The following SP100 variants were observed in gnomAD, a reference collection of about 807,000 sequenced individuals.
SP100 encodes nuclear autoantigen Sp-100.
A neutral mutation model predicts 130.0 loss-of-function variants in SP100; 84 were observed. The ratio of observed to expected loss-of-function variants is 0.65; its 90% CI spans 0.54 to 0.77. The LOEUF (loss-of-function observed/expected upper bound fraction) is 0.77. SP100 is among the 30% of genes least tolerant of loss of function. The pLI is 0.00. For missense variants in SP100, 978 were observed against 1,052.2 expected, an observed-to-expected ratio of 0.93 and a Z score of 0.97; for synonymous variants, 331 against 351.7, an observed-to-expected ratio of 0.94 and a Z score of 0.66.
At chr2:230,540,781 C>T (rs759769465) in intron 25 of SP100, 95 bp from the exon 26 acceptor site, 1 of 1,476,846 alleles carries the variant, frequency 6.8e-7, no homozygotes, top group South Asian at 1.4e-5. Context: ...AGGTGGAAAC[C>T]ACTAGGCATT....
chr2:230,426,125 G>A (rs2062924692), intron 2 of SP100, among the ~76,000 whole-genome samples: 1 of 151,992 alleles, frequency 6.6e-6, no homozygotes, highest in African/African-American at 2.4e-5. Flanking sequence ...TTATTTATTT[G>A]AGACTTGTCT....
Position 230,506,350 on chromosome 2 carries a change from C to A in SP100, c.1918C>A (p.Pro640Thr). ...GAGTGAGGATAAAAAGTGGTTCACT[C>A]CCAGGGAATTTGAAATTGAAGGAGA... ...IQSEDKKWFT[P>T]REFEIEGDRG... The change falls in exon 22 of 29, where the codon CCC becomes ACC. Residue 640 changes from proline (P) to threonine (T), a missense_variant. Transcript: ENST00000340126. 2 of 1,613,924 alleles carry A rather than the reference C, an allele frequency of 1.2e-6. No homozygotes were observed. Among genetic ancestry groups the A allele is most frequent in the Non-Finnish European group, 1.7e-6 (2 of 1,179,844 alleles).
chr2:230,426,032 G>A lies in SP100; in HGVS notation c.107+8367G>A, dbSNP rs1016729791. Among the ~76,000 whole-genome samples the A allele has an allele frequency of 2.6e-5, 4 of 152,134 alleles. No individual in the cohort carries two copies. In the East Asian group the frequency reaches 5.8e-4, roughly 22 times the overall value. On this transcript the variant is annotated intron_variant, in intron 2 of 28. Transcript: ENST00000340126. ...TTTTTTCTAGGCTATACAATTTGTTGATGTATAATTGTTCATAGTAATCTC... is the reference window on the plus strand; with the variant it reads ...TTTTTTCTAGGCTATACAATTTGTTAATGTATAATTGTTCATAGTAATCTC...
At chr2:230,448,862 C>G (rs889801381) in intron 5 of SP100, among the ~76,000 whole-genome samples, 1 of 152,184 alleles carries the variant, frequency 6.6e-6, no homozygotes, top group Non-Finnish European at 1.5e-5. Flanking sequence ...AGTTGTCTGG[C>G]CAAGGCCCCT....
At chr2:230,486,391 G>T (rs931728657) in intron 17 of SP100, among the ~76,000 whole-genome samples, 5 of 152,098 alleles carry the variant, frequency 3.3e-5, no homozygotes, top group African/African-American at 1.2e-4. Context: ...TGTTCTCATT[G>T]TTCAACTCCC....
At chr2:230,515,781 G>C (rs1202921056) in intron 24 of SP100, 1 of 1,485,226 alleles carries the variant, frequency 6.7e-7, no homozygotes, top group African/African-American at 1.4e-5. Flanking sequence ...TTTTTGTATA[G>C]TTAACCACTA....
rs754348324 is a variant in SP100, at chr2:230,539,366, T to C, written c.2194T>C (p.Ser732Pro). 1.2e-5 allele frequency: 19 copies of C among 1,613,172 alleles called. No individual in the cohort carries two copies. Among genetic ancestry groups the C allele is most frequent in the Non-Finnish European group, 1.5e-5 (18 of 1,179,310 alleles). Residue 732 changes from serine (S) to proline (P), a missense_variant, in exon 25 of 29, where the codon TCC becomes CCC. Physicochemically the swap from Ser to Pro is moderately conservative, Grantham distance 74. Transcript: ENST00000340126. ...RSFHEHCHIP[S>P]VEANKNPWSC... ...CTTTCATGAGCACTGCCACATCCCA[T>C]CCGTGGAAGCTAACAAGTGAGTAAG...
At chr2:230,542,068 C>T (rs1038467852) in intron 28 of SP100, 33 bp downstream of exon 28, 3 of 1,606,990 alleles carry the variant, frequency 1.9e-6, no homozygotes, top group African/African-American at 2.7e-5. Context: ...TTTTCTCTTT[C>T]AATTACATCA....
At chr2:230,426,149 G>A (rs1208350847) in intron 2 of SP100, among the ~76,000 whole-genome samples, 1 of 151,882 alleles carries the variant, frequency 6.6e-6, no homozygotes, top group Non-Finnish European at 1.5e-5. Context: ...TTTTAACTTG[G>A]TTAGTTTAGT....
chr2:230,446,949 C>G, intron 5 of SP100, 47 bp downstream of exon 5: 1 of 1,149,072 alleles, frequency 8.7e-7, no homozygotes, highest in East Asian at 2.5e-5. Context: ...GGTTAGGGAT[C>G]CAAGGTTCTG....
At chr2:230,532,862 C>A (rs532561187) in intron 24 of SP100, among the ~76,000 whole-genome samples, 50 of 152,302 alleles carry the variant, frequency 3.3e-4, no homozygotes, top group African/African-American at 1.2e-3. Flanking sequence ...CTTACTGCAA[C>A]CTCTGCCTCC....
At position 230,462,481 on chromosome 2, in the gene SP100, C is replaced by G. The variant is rs749554804; in HGVS notation, c.1020C>G (p.Pro340=). 15 of 1,613,698 alleles carry G rather than the reference C, an allele frequency of 9.3e-6. No homozygotes were observed. Among genetic ancestry groups the G allele is most frequent in the African/African-American group, 6.7e-5 (5 of 74,844 alleles). The change falls in exon 10 of 29, where the codon CCC becomes CCG. Residue 340 remains proline, a synonymous_variant. Coordinates refer to ENST00000340126, the MANE Select transcript of SP100 (RefSeq NM_001080391.2). ...DSEGSTDVDE[P]LEVFISAPRS... ...AAGGATCCACTGACGTTGATGAGCC[C>G]TTAGAAGTCTTCATCTCAGCACCGA...
chr2:230,532,832 G>A (rs1227495124), intron 24 of SP100, among the ~76,000 whole-genome samples: 1 of 152,148 alleles, frequency 6.6e-6, no homozygotes, highest in African/African-American at 2.4e-5. Flanking sequence ...CCAGGCTGGA[G>A]TGCAGTGTCG....
intron 26 of SP100, 124 bp downstream of exon 26, chr2:230,541,120 C>A: frequency 7.7e-7 from 1 of 1,297,842 alleles, no homozygotes; most frequent in Non-Finnish European, 1.1e-6. Flanking sequence ...GTGTGCTTTG[C>A]TCCATGACCT....
chr2:230,435,902 ACTATGAAATAC>A (rs1262501644), intron 2 of SP100, among the ~76,000 whole-genome samples: 2 of 152,216 alleles, frequency 1.3e-5, no homozygotes, highest in African/African-American at 2.4e-5. Context: ...GTACATATAC[ACTATGAAATAC>A]TATGCAGCCA....
chr2:230,486,400 C>T (rs925757183), intron 17 of SP100, among the ~76,000 whole-genome samples: 1 of 152,168 alleles, frequency 6.6e-6, no homozygotes, highest in Non-Finnish European at 1.5e-5. Flanking sequence ...TGTTCAACTC[C>T]CACTTATGAG....
Position 230,522,108 on chromosome 2 carries a change from C to T in SP100, c.2094+10942C>T, listed in dbSNP as rs576859514. On this transcript the variant is annotated intron_variant, in intron 24 of 28. Transcript: ENST00000340126. ...ACCAGACAGTGGGATTGGCTCCTAT[C>T]GATTTGGGAAATTCCAAAGGAATTT... 5.9e-5 allele frequency among the ~76,000 whole-genome samples: 9 copies of T among 152,110 alleles called. No homozygotes were observed. The South Asian group carries it at 1.9e-3, about 32-fold the overall frequency.
chr2:230,517,359 A>G (rs1329237872), intron 24 of SP100, among the ~76,000 whole-genome samples: 2 of 152,256 alleles, frequency 1.3e-5, no homozygotes, highest in Non-Finnish European at 2.9e-5. Context: ...AAAGACTTCA[A>G]AAGCAATACA....
rs556047231 is a variant in SP100, at chr2:230,425,193, A to G, written c.107+7528A>G. Among the ~76,000 whole-genome samples the G allele has an allele frequency of 3.0e-4, 46 of 152,312 alleles. No homozygotes were observed. The South Asian group carries it at 9.3e-3, about 31-fold the overall frequency. On this transcript the variant is annotated intron_variant, in intron 2 of 28. Coordinates refer to ENST00000340126, the MANE Select transcript of SP100 (RefSeq NM_001080391.2). ...TCTACTCTCTCAGCAAATTTCAAAT[A>G]TGTAATACATTATTGTTAACTATAG... is the stretch of plus-strand genomic sequence containing the variant.
Sources: allele counts gnomAD v4.1 joint callset (sites outside exome capture counted in the v4.1 genomes callset), GRCh38; gene constraint gnomAD v4.1.1; transcripts MANE v1.5; gene names NCBI Gene and HGNC (gene_info 2026-07-23, HGNC 2026-07-21).